DHX30: variants seen among roughly 807,000 people sequenced by gnomAD.
DHX30 encodes the protein DExH-box helicase 30.
Under a neutral mutation model 116.9 loss-of-function variants are expected in DHX30, and 4 were observed. The ratio of observed to expected loss-of-function variants is 0.03; its 90% CI spans 0.02 to 0.08. DHX30 has a LOEUF of 0.08. Ranked by LOEUF, DHX30 falls within the 10% of genes least tolerant of loss-of-function variation. The probability of loss-of-function intolerance (pLI) is 1.00; values close to 1 mark genes in which losing one functional copy is unlikely to be tolerated. For synonymous variants in DHX30, 697 were observed against 651.7 expected, an observed-to-expected ratio of 1.07 and a Z score of -1.06; for missense variants, 871 against 1,595.1, an observed-to-expected ratio of 0.55 and a Z score of 7.73.
chr3:47,820,893 C>T (rs1220930012), intron 4 of DHX30, among the ~76,000 whole-genome samples: 3 of 150,340 alleles, frequency 2.0e-5, no homozygotes, highest in East Asian at 3.9e-4. Context: ...GGGGTGCATG[C>T]GTAAGGCTCT....
chr3:47,847,679 C>T lies in DHX30; in HGVS notation c.2111-102C>T. 6.0e-6 allele frequency: 9 copies of T among 1,494,906 alleles called. No individual in the cohort carries two copies. The highest frequency in any genetic ancestry group is 2.4e-5 in the East Asian group (1 of 40,912). The allele number at this position is 1,494,906 out of a possible 1,614,324, so 92.6% of individuals were successfully genotyped here. On this transcript the variant is annotated intron_variant, in intron 13 of 21. Coordinates refer to ENST00000445061, the MANE Select transcript of DHX30 (RefSeq NM_138615.3). The surrounding 1 kb of genome is among the most constrained non-coding windows in gnomAD (Gnocchi z 5.5). Reference sequence around the variant, plus strand: ...CACTGGGCATAGTGTTTATCTGCGCCTGTTTCATCAAAATGGGGTCAAAAT... The same window carrying T: ...CACTGGGCATAGTGTTTATCTGCGCTTGTTTCATCAAAATGGGGTCAAAAT...
intron 2 of DHX30, 54 bp from the exon 3 acceptor site, chr3:47,810,603 G>A: frequency 7.0e-7 from 1 of 1,424,026 alleles, no homozygotes; most frequent in Non-Finnish European, 9.9e-7. Context: ...TCTTCTTTGT[G>A]GGTTGCTGGA....
intron 4 of DHX30, among the ~76,000 whole-genome samples, chr3:47,822,889 C>T (rs577994352): frequency 2.6e-5 from 4 of 152,140 alleles, no homozygotes; most frequent in East Asian, 3.9e-4. Flanking sequence ...GTCAGGAGAT[C>T]GAGACCATCC....
At chr3:47,824,255 G>A (rs1353428035) in intron 4 of DHX30, among the ~76,000 whole-genome samples, 1 of 151,738 alleles carries the variant, frequency 6.6e-6, no homozygotes, top group Non-Finnish European at 1.5e-5. Flanking sequence ...TGCCTGCCTC[G>A]GCTTCCGAAA....
chr3:47,833,967 T>C (rs1186829138), intron 6 of DHX30, among the ~76,000 whole-genome samples: 1 of 152,186 alleles, frequency 6.6e-6, no homozygotes, highest in Non-Finnish European at 1.5e-5. Flanking sequence ...ACTCTTCTTA[T>C]ATATATGTAA....
intron 6 of DHX30, 128 bp from the exon 7 acceptor site, chr3:47,840,749 C>T: frequency 8.8e-7 from 1 of 1,139,460 alleles, no homozygotes; most frequent in Non-Finnish European, 1.2e-6. Context: ...GGACTAGGGG[C>T]TGAAGTGGGT....
intron 6 of DHX30, among the ~76,000 whole-genome samples, chr3:47,832,492 G>C (rs1003054461): frequency 1.3e-5 from 2 of 151,962 alleles, no homozygotes; most frequent in Admixed American, 1.3e-4. Context: ...TTTCCTCCCT[G>C]GGGAATCTTG....
At position 47,848,926 on chromosome 3, in the gene DHX30, G is replaced by A; in HGVS notation, c.2776G>A (p.Ala926Thr). The A allele has an allele frequency of 1.9e-6, 3 of 1,603,720 alleles. No individual in the cohort carries two copies. The highest frequency in any genetic ancestry group is 2.6e-6 in the Non-Finnish European group (3 of 1,172,892). ...QNRAEVDKVK[A>T]LLSHDSGSDH... ...CCCTCTTCTCCCCTCCCAGGTGAAAGCACTGTTGAGCCATGACAGCGGCAG... is the reference window on the plus strand; with the variant it reads ...CCCTCTTCTCCCCTCCCAGGTGAAAACACTGTTGAGCCATGACAGCGGCAG... Residue 926 changes from alanine (A) to threonine (T), a missense_variant, in exon 18 of 22, where the codon GCA becomes ACA. Around this residue, in one of 13 missense-constraint regions of DHX30, gnomAD observed 238 missense variants for 481.0 expected, o/e 0.49. Transcript: ENST00000445061. The surrounding 1 kb of genome is among the most constrained non-coding windows in gnomAD (Gnocchi z 9.4).
intron 6 of DHX30, among the ~76,000 whole-genome samples, chr3:47,839,168 G>A (rs540320059): frequency 2.0e-5 from 3 of 151,798 alleles, no homozygotes; most frequent in East Asian, 1.9e-4. Flanking sequence ...TATATTTTCT[G>A]TAGAAAAGCA....
Position 47,847,730 on chromosome 3 carries a change from G to C in DHX30, c.2111-51G>C, listed in dbSNP as rs2037681643. ...CCTTGCCCTGCCCACATTCCAGGGGGGAATTCTGGTGGAAGCAGTGCCCAT... is the reference window on the plus strand; with the variant it reads ...CCTTGCCCTGCCCACATTCCAGGGGCGAATTCTGGTGGAAGCAGTGCCCAT... On this transcript the variant is annotated intron_variant, in intron 13 of 21. Transcript: ENST00000445061. This position sits in a 1 kb window ranked among gnomAD's most constrained non-coding sequence, Gnocchi z 5.5. 1 of 1,585,594 alleles carries C rather than the reference G, an allele frequency of 6.3e-7. No individual in the cohort carries two copies. Among genetic ancestry groups the C allele is most frequent in the Admixed American group, 1.7e-5 (1 of 57,772 alleles).
At chr3:47,846,077 C>T in intron 10 of DHX30, 88 bp from the exon 11 acceptor site, 1 of 1,475,248 alleles carries the variant, frequency 6.8e-7, no homozygotes, top group Non-Finnish European at 9.2e-7. Context: ...GCCACAACAT[C>T]TGACCCAGGC....
In DHX30 at chr3:47,808,948, G is replaced by T. The variant is rs867537897; in HGVS notation, c.-27-1709G>T. The stretch of plus-strand genomic sequence containing the variant: ...TTGTTGCCCAGGCTGGAGTGCAATG[G>T]TGCGATCTCGGCTCACTGCAACCTC... On this transcript the variant is annotated intron_variant, in intron 2 of 21. Transcript: ENST00000445061. 2.0e-5 allele frequency among the ~76,000 whole-genome samples: 3 copies of T among 151,816 alleles called. No individual in the cohort carries two copies. In the South Asian group the frequency reaches 6.2e-4, roughly 32 times the overall value.
At chr3:47,837,526 G>A (rs2037175945) in intron 6 of DHX30, among the ~76,000 whole-genome samples, 1 of 152,220 alleles carries the variant, frequency 6.6e-6, no homozygotes, top group South Asian at 2.1e-4. Flanking sequence ...ACTTTGGGAG[G>A]CTGAGGCGGG....
At chr3:47,825,085 C>G in intron 4 of DHX30, 1 of 670,888 alleles carries the variant, frequency 1.5e-6, no homozygotes, top group Non-Finnish European at 2.7e-6. Flanking sequence ...CGGCATCTCT[C>G]CGCGCCTGCA....
At chr3:47,845,439 G>A (rs1422518198) in intron 9 of DHX30, 4 of 244,122 alleles carry the variant, frequency 1.6e-5, no homozygotes, top group Non-Finnish European at 3.1e-5. Flanking sequence ...TGCCTGCCTC[G>A]GCCTCCCAAA....
intron 4 of DHX30, 45 bp downstream of exon 4, chr3:47,818,162 T>A: frequency 1.3e-6 from 1 of 757,182 alleles, no homozygotes; most frequent in Non-Finnish European, 2.5e-6. Flanking sequence ...GTCCAGGGTC[T>A]GTGGGGAGGT....
intron 9 of DHX30, among the ~76,000 whole-genome samples, chr3:47,843,817 G>A (rs966891256): frequency 1.3e-5 from 2 of 152,174 alleles, no homozygotes; most frequent in African/African-American, 4.8e-5. Context: ...TTTCACCTCA[G>A]CCTCCTGCAT....
At chr3:47,814,205 A>G (rs2035934342) in intron 3 of DHX30, among the ~76,000 whole-genome samples, 1 of 148,738 alleles carries the variant, frequency 6.7e-6, no homozygotes, top group Non-Finnish European at 1.5e-5. Flanking sequence ...TGGGTGGACT[A>G]CTTGACATCA....
At chr3:47,808,579 T>A (rs920290369) in intron 2 of DHX30, among the ~76,000 whole-genome samples, 1 of 151,852 alleles carries the variant, frequency 6.6e-6, no homozygotes, top group Non-Finnish European at 1.5e-5. Context: ...ATTTATTTTT[T>A]ATTTTTATTT....
Sources: allele counts gnomAD v4.1 joint callset (sites outside exome capture counted in the v4.1 genomes callset), GRCh38; gene constraint gnomAD v4.1.1; regional missense constraint gnomAD v4.1.1; non-coding constraint Gnocchi (gnomAD v3.1); transcripts MANE v1.5; gene names NCBI Gene and HGNC (gene_info 2026-07-23, HGNC 2026-07-21).